WDR7: variants seen among roughly 807,000 people sequenced by gnomAD.
The protein encoded by WDR7 is WD repeat-containing protein 7.
WDR7 carries 46 observed loss-of-function variants against 169.4 expected under a neutral mutation model. The observed-to-expected ratio is 0.27, with a 90% confidence interval of 0.21 to 0.35. The LOEUF (loss-of-function observed/expected upper bound fraction) is 0.35, where lower values mean the gene tolerates loss of function less well. Ranked by LOEUF, WDR7 falls within the 10% of genes least tolerant of loss-of-function variation. The pLI is 1.00. For synonymous variants in WDR7, 612 were observed against 666.8 expected, an observed-to-expected ratio of 0.92 and a Z score of 1.27; for missense variants, 1,534 against 1,859.3, an observed-to-expected ratio of 0.83 and a Z score of 3.22.
chr18:56,704,407 C>T (rs2025902754), intron 12 of WDR7, among the ~76,000 whole-genome samples: 1 of 149,070 alleles, frequency 6.7e-6, no homozygotes, highest in Non-Finnish European at 1.5e-5. Context: ...GGTTTGGTGA[C>T]ATGGGCATAT....
intron 26 of WDR7, among the ~76,000 whole-genome samples, chr18:56,984,262 A>G (rs2047683849): frequency 2.6e-5 from 4 of 152,212 alleles, no homozygotes; most frequent in African/African-American, 9.6e-5. Context: ...ATAAATCAAC[A>G]TATTCCTACC....
Position 56,758,910 on chromosome 18 carries a change from C to A in WDR7, c.2805C>A (p.Ser935=), listed in dbSNP as rs761112672. Residue 935 remains serine (S), a synonymous_variant, in exon 16 of 28, where the codon TCC becomes TCA. Coordinates refer to ENST00000254442, the MANE Select transcript of WDR7 (RefSeq NM_015285.3). ...CAGACCTTTCTAAGGCAAGGGGTTC[C>A]CCTCCAACTTCCAGTAATATTGTGC... ...STPDLSKARG[S]PPTSSNIVQG... 23 of 1,612,814 alleles carry A rather than the reference C, an allele frequency of 1.4e-5. No homozygotes were observed. Among genetic ancestry groups the A allele is most frequent in the Non-Finnish European group, 1.9e-5 (22 of 1,179,428 alleles).
chr18:56,833,991 T>C (rs2045357100), intron 20 of WDR7, among the ~76,000 whole-genome samples: 1 of 152,188 alleles, frequency 6.6e-6, no homozygotes, highest in Non-Finnish European at 1.5e-5. Context: ...GTCAAGGCAT[T>C]AACCATGGCT....
intron 21 of WDR7, among the ~76,000 whole-genome samples, chr18:56,918,705 A>T (rs1041003881): frequency 6.6e-6 from 1 of 152,162 alleles, no homozygotes; most frequent in African/African-American, 2.4e-5. Flanking sequence ...TCACCATACA[A>T]CTGGAAACTT....
In WDR7 at chr18:56,833,777, C is replaced by G. The variant is rs1215874244; in HGVS notation, c.3304+17633C>G. On this transcript the variant is annotated intron_variant, in intron 20 of 27. Coordinates refer to ENST00000254442, the MANE Select transcript of WDR7 (RefSeq NM_015285.3). ...TATTCTAGACCAATCTTTCCCGTCT[C>G]AAAGAATCCTTCATACCACATCACT... Among the ~76,000 whole-genome samples, 4 of 152,190 alleles carry G rather than the reference C, an allele frequency of 2.6e-5. No individual in the cohort carries two copies. The East Asian group carries it at 7.7e-4, about 29-fold the overall frequency.
chr18:56,948,154 A>G (rs891488637), intron 25 of WDR7, among the ~76,000 whole-genome samples: 3 of 152,128 alleles, frequency 2.0e-5, no homozygotes, highest in Non-Finnish European at 4.4e-5. Context: ...GTCGTACATT[A>G]TATGCACGAC....
intron 22 of WDR7, among the ~76,000 whole-genome samples, chr18:56,932,780 A>G (rs747954143): frequency 2.6e-5 from 4 of 152,072 alleles, no homozygotes; most frequent in Non-Finnish European, 5.9e-5. Context: ...GTAAGGGGAA[A>G]CTATCCACTT....
At chr18:56,766,729 G>A (rs2044074140) in intron 16 of WDR7, among the ~76,000 whole-genome samples, 1 of 151,684 alleles carries the variant, frequency 6.6e-6, no homozygotes, top group South Asian at 2.1e-4. Context: ...ATTGTTATAT[G>A]TGTCCCCAGA....
chr18:56,722,743 C>T (rs559251534), intron 13 of WDR7, among the ~76,000 whole-genome samples: 53 of 152,022 alleles, frequency 3.5e-4, no homozygotes, highest in African/African-American at 1.1e-3. Flanking sequence ...GTGCTTACTA[C>T]TCCCTCCTCT....
intron 21 of WDR7, among the ~76,000 whole-genome samples, chr18:56,890,246 T>A (rs2046246911): frequency 6.6e-6 from 1 of 152,210 alleles, no homozygotes; most frequent in South Asian, 2.1e-4. Flanking sequence ...GATATTGCAA[T>A]TCTATGAACT....
At chr18:56,805,379 T>TTTTA (rs2044755917) in intron 19 of WDR7, among the ~76,000 whole-genome samples, 1 of 152,140 alleles carries the variant, frequency 6.6e-6, no homozygotes, top group Non-Finnish European at 1.5e-5. Flanking sequence ...GAATTTGGGA[T>TTTTA]TTTACTGTTT....
At chr18:56,739,185 G>T (rs73958310) in intron 14 of WDR7, among the ~76,000 whole-genome samples, 4,448 of 151,796 alleles carry the variant, frequency 0.029, 215 homozygotes, top group African/African-American at 0.1. Context: ...CTGTTTTTAT[G>T]TTTATTTCTA....
At chr18:56,996,710 G>A (rs980538733) in intron 26 of WDR7, among the ~76,000 whole-genome samples, 1 of 152,150 alleles carries the variant, frequency 6.6e-6, no homozygotes. Flanking sequence ...TAGGAAGTGG[G>A]CAGGGGAGGC....
At chr18:56,831,707 G>A (rs774373498) in intron 20 of WDR7, among the ~76,000 whole-genome samples, 1 of 151,990 alleles carries the variant, frequency 6.6e-6, no homozygotes, top group Non-Finnish European at 1.5e-5. Context: ...TGGGTGAGGC[G>A]TCGTCTCACC....
intron 26 of WDR7, among the ~76,000 whole-genome samples, chr18:57,018,530 C>T (rs186812977): frequency 1.1e-3 from 171 of 152,318 alleles, no homozygotes; most frequent in African/African-American, 3.8e-3. Flanking sequence ...CTGGCTGATG[C>T]TGCCACATGT....
intron 20 of WDR7, among the ~76,000 whole-genome samples, chr18:56,879,376 T>C (rs1463528688): frequency 6.6e-6 from 1 of 152,200 alleles, no homozygotes; most frequent in Non-Finnish European, 1.5e-5. Context: ...TGACTAATGA[T>C]GTTTAGCATC....
chr18:56,884,903 C>T (rs986363400), intron 21 of WDR7, among the ~76,000 whole-genome samples: 2 of 152,250 alleles, frequency 1.3e-5, no homozygotes, highest in African/African-American at 4.8e-5. Context: ...TCCCTGGCCA[C>T]CTCCACTGGA....
chr18:56,918,274 G>A (rs2046656202), intron 21 of WDR7, among the ~76,000 whole-genome samples: 1 of 152,124 alleles, frequency 6.6e-6, no homozygotes, highest in Non-Finnish European at 1.5e-5. Context: ...GAATAATGCT[G>A]AATTCCATCT....
In WDR7 at chr18:56,694,724, A is replaced by G; in HGVS notation, c.1072A>G (p.Ile358Val). 1 of 1,613,326 alleles carries G rather than the reference A, an allele frequency of 6.2e-7. No homozygotes were observed. The highest frequency in any genetic ancestry group is 1.1e-5 in the South Asian group (1 of 90,894). ...DSSGRLNIWN[I>V]SDTADKQGSE... ...TTCTGGAAGGTTGAATATTTGGAACATATCAGACACAGCTGATAAACAGGG... is the reference window on the plus strand; with the variant it reads ...TTCTGGAAGGTTGAATATTTGGAACGTATCAGACACAGCTGATAAACAGGG... The change falls in exon 10 of 28, where the codon ATA becomes GTA. Residue 358 changes from isoleucine (I) to valine (V), a missense_variant. Physicochemically the swap from Ile to Val is conservative, Grantham distance 29. Coordinates refer to ENST00000254442, the MANE Select transcript of WDR7 (RefSeq NM_015285.3).
Sources: gnomAD v4.1 joint callset for allele counts (sites outside exome capture counted in the v4.1 genomes callset) on GRCh38, gnomAD v4.1.1 for gene constraint, MANE v1.5 for transcripts, NCBI Gene and HGNC (gene_info 2026-07-23, HGNC 2026-07-21) for gene names.